The following NALF1 variants were observed in gnomAD, a reference collection of about 807,000 sequenced individuals.
NALF1 encodes the protein NALCN channel auxiliary factor 1.
NALF1 carries 3 observed loss-of-function variants against 48.4 expected under a neutral mutation model. That is an observed-to-expected ratio of 0.06 (90% CI 0.03 to 0.16). The LOEUF is 0.16. Among genes scored for constraint, NALF1 ranks in the 10% least tolerant of loss-of-function variants. The pLI is 1.00. For missense variants in NALF1, 526 were observed against 571.5 expected (o/e 0.92, Z 0.81); for synonymous variants, 262 against 245.7 (o/e 1.07, Z -0.62).
At chr13:107,847,656 C>T (rs1880208259) in intron 1 of NALF1, among the ~76,000 whole-genome samples, 1 of 152,184 alleles carries the variant, frequency 6.6e-6, no homozygotes, top group African/African-American at 2.4e-5. Context: ...CAGCTGAGAT[C>T]CTCAGCTCAA....
intron 1 of NALF1, among the ~76,000 whole-genome samples, chr13:107,211,453 C>T (rs1171447934): frequency 6.6e-6 from 1 of 152,192 alleles, no homozygotes; most frequent in Admixed American, 6.5e-5. Flanking sequence ...CAAGCCACAT[C>T]AATGTTTGCT....
rs146005014 is a variant in NALF1 at position 107,762,665 on chromosome 13, G to A, written c.915+103017C>T. ...TTAGGAAATGGAATGGTGGTTGCAC[G>A]GGCTGGAGGGAGGACATACAGAGTC... On this transcript the variant is annotated intron_variant, in intron 1 of 2. Transcript: ENST00000375915. 5.5e-3 allele frequency among the ~76,000 whole-genome samples: 840 copies of A among 152,216 alleles called. 1 individual carries two copies. Among genetic ancestry groups the A allele is most frequent in the Non-Finnish European group, 9.2e-3 (627 of 68,018 alleles).
chr13:107,376,982 G>A (rs1045847145), intron 1 of NALF1, among the ~76,000 whole-genome samples: 9 of 152,058 alleles, frequency 5.9e-5, no homozygotes, highest in Non-Finnish European at 1.2e-4. Flanking sequence ...TCATTCTCTG[G>A]CCGCATTTAA....
intron 1 of NALF1, among the ~76,000 whole-genome samples, chr13:107,406,905 G>A (rs1376083811): frequency 1.3e-5 from 2 of 152,010 alleles, no homozygotes; most frequent in Admixed American, 1.3e-4. Context: ...GCATGGGACT[G>A]GTATGAAAAC....
chr13:107,180,805 A>G (rs1879045159), intron 2 of NALF1, among the ~76,000 whole-genome samples: 1 of 151,810 alleles, frequency 6.6e-6, no homozygotes, highest in Admixed American at 6.6e-5. Context: ...TTTTAGAAAG[A>G]GCAATTTTTA....
At chr13:107,202,820 T>C (rs766124957) in intron 2 of NALF1, among the ~76,000 whole-genome samples, 1 of 152,206 alleles carries the variant, frequency 6.6e-6, no homozygotes, top group Non-Finnish European at 1.5e-5. Context: ...AAGGAAACAA[T>C]GGCTTACACA....
At chr13:107,639,145 T>C (rs1328112228) in intron 1 of NALF1, among the ~76,000 whole-genome samples, 1 of 152,136 alleles carries the variant, frequency 6.6e-6, no homozygotes, top group Non-Finnish European at 1.5e-5. Flanking sequence ...TAATATAAGG[T>C]ATTTATTTTG....
intron 1 of NALF1, among the ~76,000 whole-genome samples, chr13:107,599,702 C>T (rs780656296): frequency 6.6e-6 from 1 of 152,042 alleles, no homozygotes; most frequent in African/African-American, 2.4e-5. Flanking sequence ...TTCTGTTTTG[C>T]CTATCCAGTC....
intron 1 of NALF1, among the ~76,000 whole-genome samples, chr13:107,692,807 T>C (rs1881597328): frequency 6.6e-6 from 1 of 152,220 alleles, no homozygotes; most frequent in Admixed American, 6.5e-5. Context: ...GTTGTATGGC[T>C]AGAAATCTCC....
chr13:107,301,864 A>T (rs529534698), intron 1 of NALF1, among the ~76,000 whole-genome samples: 5 of 152,294 alleles, frequency 3.3e-5, no homozygotes, highest in South Asian at 2.1e-4. Flanking sequence ...GCTGTAAGAG[A>T]TCAACCCTAC....
intron 1 of NALF1, among the ~76,000 whole-genome samples, chr13:107,251,257 C>T (rs766440985): frequency 4.6e-5 from 7 of 152,146 alleles, no homozygotes; most frequent in South Asian, 2.1e-4. Context: ...TAAGACCAGA[C>T]GCCTCTATTT....
In NALF1 at chr13:107,701,386, T is replaced by A. The variant is rs372565014; in HGVS notation, c.915+164296A>T. The stretch of plus-strand genomic sequence containing the variant: ...CACACATGACTGGACCTAGAAGATA[T>A]TAAGTGAAATAAGCCAGATATCCAA... On this transcript the variant is annotated intron_variant, in intron 1 of 2. Coordinates refer to ENST00000375915, the MANE Select transcript of NALF1 (RefSeq NM_001080396.3). 2.1e-4 allele frequency among the ~76,000 whole-genome samples: 32 copies of A among 152,332 alleles called. 1 individual carries two copies. The East Asian group carries it at 6.0e-3, about 28-fold the overall frequency.
At chr13:107,206,534 A>T (rs1437815385) in intron 2 of NALF1, among the ~76,000 whole-genome samples, 1 of 152,240 alleles carries the variant, frequency 6.6e-6, no homozygotes, top group Non-Finnish European at 1.5e-5. Flanking sequence ...CGAGATACTG[A>T]ATTTAGTAAG....
chr13:107,314,813 T>TGCATAGCACAATGC (rs1388752935), intron 1 of NALF1, among the ~76,000 whole-genome samples: 1 of 152,170 alleles, frequency 6.6e-6, no homozygotes, highest in Non-Finnish European at 1.5e-5. Flanking sequence ...GCACACTTAG[T>TGCATAGCACAATGC]AGGCACTTGA....
intron 1 of NALF1, among the ~76,000 whole-genome samples, chr13:107,605,566 G>GAA (rs570776309): frequency 3.3e-5 from 5 of 150,118 alleles, no homozygotes; most frequent in Admixed American, 2.6e-4. Flanking sequence ...GGTTTCACAG[G>GAA]AAAAAAAAAG....
chr13:107,479,851 A>G (rs1284998129), intron 1 of NALF1, among the ~76,000 whole-genome samples: 2 of 152,318 alleles, frequency 1.3e-5, no homozygotes, highest in Non-Finnish European at 2.9e-5. Context: ...CAAGAACTCC[A>G]GAGGAAATTA....
chr13:107,745,725 G>T (rs557746890), intron 1 of NALF1, among the ~76,000 whole-genome samples: 1 of 152,216 alleles, frequency 6.6e-6, no homozygotes, highest in Admixed American at 6.5e-5. Flanking sequence ...CAAATGTCAT[G>T]TTGAACTGTA....
chr13:107,719,297 C>G (rs1875916344), intron 1 of NALF1, among the ~76,000 whole-genome samples: 1 of 152,116 alleles, frequency 6.6e-6, no homozygotes, highest in Non-Finnish European at 1.5e-5. Flanking sequence ...ACTGGCAGTT[C>G]TTTGAAATAT....
At chr13:107,326,855 G>A (rs1489449395) in intron 1 of NALF1, among the ~76,000 whole-genome samples, 1 of 146,626 alleles carries the variant, frequency 6.8e-6, no homozygotes, top group African/African-American at 2.5e-5. Flanking sequence ...CCAGATCCTG[G>A]TCTCCACTGG....
Sources: gnomAD v4.1 joint callset for allele counts (sites outside exome capture counted in the v4.1 genomes callset) on GRCh38, gnomAD v4.1.1 for gene constraint, MANE v1.5 for transcripts, NCBI Gene and HGNC (gene_info 2026-07-23, HGNC 2026-07-21) for gene names.